SPTB: variants seen among roughly 807,000 people sequenced by gnomAD.
SPTB encodes the protein spectrin beta, erythrocytic, also known as spectrin beta chain, erythrocytic.
A neutral mutation model predicts 256.2 loss-of-function variants in SPTB; 45 were observed. The observed-to-expected ratio is 0.18, with a 90% CI of 0.14 to 0.23. The LOEUF (loss-of-function observed/expected upper bound fraction) is 0.23. Among genes scored for constraint, SPTB ranks in the 10% least tolerant of loss-of-function variants. The pLI, the probability that SPTB is intolerant of heterozygous loss-of-function variation, is 1.00. For synonymous variants in SPTB, 1,231 were observed against 1,243.1 expected (o/e 0.99, Z 0.21); for missense variants, 2,715 against 3,040.4 (o/e 0.89, Z 2.52).
intron 1 of SPTB, among the ~76,000 whole-genome samples, chr14:64,846,416 G>A (rs1471978846): frequency 6.6e-6 from 1 of 152,228 alleles, no homozygotes. Flanking sequence ...GGCCAAGACA[G>A]CACACAGCTG....
chr14:64,766,506 G>A (rs2082184989), intron 32 of SPTB: 1 of 1,462,316 alleles, frequency 6.8e-7, no homozygotes, highest in Non-Finnish European at 9.0e-7. Context: ...TGTTTCCTCT[G>A]CGCTGTGGGG....
At chr14:64,781,641 GT>G (rs2139542007) in intron 20 of SPTB, among the ~76,000 whole-genome samples, 1 of 152,340 alleles carries the variant, frequency 6.6e-6, no homozygotes, top group African/African-American at 2.4e-5. Context: ...TTCAACCATT[GT>G]TGAAAGTGGT....
In SPTB at chr14:64,818,507, C is replaced by T. The variant is rs143119669; in HGVS notation, c.148+4440G>A. 3.4e-3 allele frequency among the ~76,000 whole-genome samples: 524 copies of T among 152,258 alleles called. 3 individuals are homozygous for T. Among genetic ancestry groups the T allele is most frequent in the African/African-American group, 0.012 (504 of 41,542 alleles). On this transcript the variant is annotated intron_variant, in intron 2 of 35. Coordinates refer to ENST00000644917, the MANE Select transcript of SPTB (RefSeq NM_001355436.2). ...GGGGTTCCTCCACTCCCTGCTCTCC[C>T]TTCTGGGCCACATCTACCCTGAGGC... is the stretch of plus-strand genomic sequence containing the variant.
rs960096312 is a variant in SPTB at position 64,772,037 on chromosome 14, T to C, written c.5553+543A>G. Among the ~76,000 whole-genome samples, 2 of 152,140 alleles carry C rather than the reference T, an allele frequency of 1.3e-5. No homozygotes were observed. The highest frequency in any genetic ancestry group is 3.9e-4 in the East Asian group (2 of 5,192). On this transcript the variant is annotated intron_variant, in intron 26 of 35. Coordinates refer to ENST00000644917, the MANE Select transcript of SPTB (RefSeq NM_001355436.2). This position sits in a 1 kb window ranked among gnomAD's most constrained non-coding sequence, Gnocchi z 5.4. ...AGTGATGGGGCAGGGGTCTGAACAG[T>C]AGAACTTGGGGGCTCTCCAGCTCCC...
Position 64,746,509 on chromosome 14 carries a change from C to G in SPTB, c.*2797G>C, listed in dbSNP as rs1027621306. 5.2e-5 allele frequency: 8 copies of G among 152,692 alleles called. No individual in the cohort carries two copies. Among genetic ancestry groups the G allele is most frequent in the African/African-American group, 1.9e-4 (8 of 41,460 alleles). The allele number at this position is 152,692 out of a possible 1,614,324, so 9.5% of individuals were successfully genotyped here. On this transcript the variant is annotated 3_prime_UTR_variant, in exon 36 of 36. Coordinates refer to ENST00000644917, the MANE Select transcript of SPTB (RefSeq NM_001355436.2). The surrounding 1 kb of genome is among the most constrained non-coding windows in gnomAD (Gnocchi z 4.9). Reference sequence around the variant, plus strand: ...GCCATGTGGTCCCGCTGGCTTCATCCTCCTCTGGATTCCTGCCCCCCTCCC... The same window carrying G: ...GCCATGTGGTCCCGCTGGCTTCATCGTCCTCTGGATTCCTGCCCCCCTCCC...
At chr14:64,803,382 T>C (rs1237086837) in intron 4 of SPTB, among the ~76,000 whole-genome samples, 3 of 152,204 alleles carry the variant, frequency 2.0e-5, no homozygotes, top group Admixed American at 6.5e-5. Flanking sequence ...ATCTTCTCCC[T>C]GAAAAGACCA....
In SPTB at chr14:64,807,218, A is replaced by G. The variant is rs946571601; in HGVS notation, c.149-2128T>C. On this transcript the variant is annotated intron_variant, in intron 2 of 35. Transcript: ENST00000644917. The surrounding 1 kb of genome is among the most constrained non-coding windows in gnomAD (Gnocchi z 4.7). ...TGAAAGTTTTAGCCCCTTTAGAGGT[A>G]GGTGTCCCCCAAAGTGAAAGTATTT... Among the ~76,000 whole-genome samples, 3 of 152,208 alleles carry G rather than the reference A, an allele frequency of 2.0e-5. No homozygotes were observed. Among genetic ancestry groups the G allele is most frequent in the African/African-American group, 7.2e-5 (3 of 41,464 alleles).
At chr14:64,766,875 T>G (rs1165309529) in intron 31 of SPTB, 74 bp from the exon 32 acceptor site, 37 of 1,574,072 alleles carry the variant, frequency 2.4e-5, no homozygotes, top group Non-Finnish European at 3.2e-5. Flanking sequence ...GCCTGGCTTT[T>G]CACCTGCGCC....
chr14:64,747,834 C>T lies in SPTB; in HGVS notation c.*1472G>A, dbSNP rs1025890741. On this transcript the variant is annotated 3_prime_UTR_variant, in exon 36 of 36. Transcript: ENST00000644917. ...CCCACCCCCGACCCGCTTGACTGCT[C>T]TCTTGGACCTAACCCTAGTTTGATA... is the stretch of plus-strand genomic sequence containing the variant. 2 of 133,554 alleles carry T rather than the reference C, an allele frequency of 1.5e-5. No homozygotes were observed. Among genetic ancestry groups the T allele is most frequent in the African/African-American group, 5.5e-5 (2 of 36,682 alleles). 8.3% of individuals were successfully genotyped at this position (133,554 alleles called of 1,614,324 possible).
In SPTB at chr14:64,793,149, G is replaced by T; in HGVS notation, c.2514C>A (p.Asp838Glu). 1 of 1,614,058 alleles carries T rather than the reference G, an allele frequency of 6.2e-7. No homozygotes were observed. Among genetic ancestry groups the T allele is most frequent in the South Asian group, 1.1e-5 (1 of 91,082 alleles). Residue 838 changes from aspartate (D) to glutamate (E), a missense_variant, in exon 14 of 36, where the codon GAC becomes GAA. Physicochemically the swap from Asp to Glu is conservative, Grantham distance 45. Transcript: ENST00000644917. The surrounding 1 kb of genome is among the most constrained non-coding windows in gnomAD (Gnocchi z 7.0). ...CTTCCTGCAGCCTCTGCTGACGCAG[G>T]TCCGCCTGGGCCACCACCTGTTGGT... ...ELYQQVVAQA[D>E]LRQQRLQEAL...
At chr14:64,770,065 CA>C (rs2082254905) in intron 27 of SPTB, among the ~76,000 whole-genome samples, 1 of 152,126 alleles carries the variant, frequency 6.6e-6, no homozygotes, top group African/African-American at 2.4e-5. Flanking sequence ...GGAAAGAAGC[CA>C]GTCACAAAAG....
rs2083798935 is a variant in SPTB at position 64,852,161 on chromosome 14, G to C, written c.-52+27631C>G. On this transcript the variant is annotated intron_variant, in intron 1 of 35. Transcript: ENST00000644917. This position sits in a 1 kb window ranked among gnomAD's most constrained non-coding sequence, Gnocchi z 4.2. ...AGAGTAGACACACAGAAGGCCTTCT[G>C]CAAGGGTGGACGATGAGTGGGGATC... Among the ~76,000 whole-genome samples, 1 of 152,218 alleles carries C rather than the reference G, an allele frequency of 6.6e-6. No individual in the cohort carries two copies. The highest frequency in any genetic ancestry group is 1.5e-5 in the Non-Finnish European group (1 of 68,038).
chr14:64,817,754 C>CT (rs1159104287), intron 2 of SPTB, among the ~76,000 whole-genome samples: 1 of 152,238 alleles, frequency 6.6e-6, no homozygotes, highest in Non-Finnish European at 1.5e-5. Context: ...TGAGGACACT[C>CT]TCAGGGCCCT....
At chr14:64,765,039 T>TGC (rs1456293666) in intron 32 of SPTB, among the ~76,000 whole-genome samples, 20 of 111,676 alleles carry the variant, frequency 1.8e-4, no homozygotes, top group East Asian at 6.5e-4. Flanking sequence ...TGTGTGTGTG[T>TGC]GTGCGCGCGC....
At chr14:64,864,741 T>C (rs1453696160) in intron 1 of SPTB, among the ~76,000 whole-genome samples, 1 of 152,204 alleles carries the variant, frequency 6.6e-6, no homozygotes, top group Non-Finnish European at 1.5e-5. Flanking sequence ...TCTTTGGTAC[T>C]GTCTGAATTA....
At chr14:64,840,004 G>C (rs934622498) in intron 1 of SPTB, among the ~76,000 whole-genome samples, 1 of 152,240 alleles carries the variant, frequency 6.6e-6, no homozygotes, top group African/African-American at 2.4e-5. Context: ...CTATCAGAAA[G>C]TTATCTCCTG....
chr14:64,763,819 G>A (rs1173738480), intron 32 of SPTB: 4 of 518,898 alleles, frequency 7.7e-6, no homozygotes, highest in Non-Finnish European at 1.2e-5. Context: ...AAGAGGTGAG[G>A]GAAGGCGGTG....
At chr14:64,865,504 C>T (rs926433790) in intron 1 of SPTB, among the ~76,000 whole-genome samples, 3 of 152,106 alleles carry the variant, frequency 2.0e-5, no homozygotes, top group East Asian at 1.9e-4. Flanking sequence ...CTTGAAGATG[C>T]GTTTCACTGC....
chr14:64,773,083 GC>G lies in SPTB; in HGVS notation c.5179-130del, dbSNP rs983890922. 17 of 1,552,630 alleles carry G rather than the reference GC, an allele frequency of 1.1e-5. No individual in the cohort carries two copies. In the African/African-American group the frequency reaches 2.3e-4, roughly 21 times the overall value. On this transcript the variant is annotated intron_variant, in intron 25 of 35. Transcript: ENST00000644917. ...GCTGCGCTGTCACACCTTCCCCAGG[GC>G]AGGCCTGCATCGGCTGGTCCCGCCT... is the stretch of plus-strand genomic sequence containing the variant.
Sources: allele counts gnomAD v4.1 joint callset (sites outside exome capture counted in the v4.1 genomes callset), GRCh38; gene constraint gnomAD v4.1.1; non-coding constraint Gnocchi (gnomAD v3.1); transcripts MANE v1.5; gene names NCBI Gene and HGNC (gene_info 2026-07-23, HGNC 2026-07-21).